The following NAA16 variants were observed in gnomAD, a reference collection of about 807,000 sequenced individuals.
The protein encoded by NAA16 is N-alpha-acetyltransferase 16, NatA auxiliary subunit.
Under a neutral mutation model 110.3 loss-of-function variants are expected in NAA16, and 97 were observed. That is an observed-to-expected ratio of 0.88 (90% CI 0.75 to 1.04). The LOEUF (loss-of-function observed/expected upper bound fraction) is 1.04, where lower values mean the gene tolerates loss of function less well. Among genes scored for constraint, NAA16 ranks in the 50% least tolerant of loss-of-function variants. The probability of loss-of-function intolerance (pLI) is 0.00; values close to 1 mark genes in which losing one functional copy is unlikely to be tolerated. For synonymous variants in NAA16, 372 were observed against 330.6 expected (o/e 1.13, Z -1.36); for missense variants, 1,017 against 1,005.1 (o/e 1.01, Z -0.16).
At chr13:41,334,854 A>G (rs2042335332) in intron 8 of NAA16, among the ~76,000 whole-genome samples, 1 of 152,204 alleles carries the variant, frequency 6.6e-6, no homozygotes, top group African/African-American at 2.4e-5. Context: ...TCTTCTACAA[A>G]TACATTGTGC....
In NAA16 at chr13:41,373,795, C is replaced by A; in HGVS notation, c.2299+15C>A. 6.3e-7 allele frequency: 1 copy of A among 1,575,254 alleles called. No homozygotes were observed. The highest frequency in any genetic ancestry group is 1.4e-5 in the African/African-American group (1 of 72,462). ...TCTACTTTCAGGTTTGTTTGTAGCC[C>A]CCAGGGTTAAAATACTTATGGAAAA... On this transcript the variant is annotated intron_variant, in intron 18 of 19. Coordinates refer to ENST00000379406, the MANE Select transcript of NAA16 (RefSeq NM_024561.5).
rs368036227 is a variant in NAA16 at position 41,366,376 on chromosome 13, C to T, written c.1540-1063C>T. Reference sequence around the variant, plus strand: ...CGGAGTGACTTAACTATCCCCAGGACAGAGGGAACATGAACTAGTAGGAAA... The same window carrying T: ...CGGAGTGACTTAACTATCCCCAGGATAGAGGGAACATGAACTAGTAGGAAA... On this transcript the variant is annotated intron_variant, in intron 13 of 19. Transcript: ENST00000379406. Among the ~76,000 whole-genome samples, 7 of 152,024 alleles carry T rather than the reference C, an allele frequency of 4.6e-5. No individual in the cohort carries two copies. In the South Asian group the frequency reaches 1.0e-3, roughly 23 times the overall value.
chr13:41,328,955 C>A, intron 7 of NAA16, 112 bp downstream of exon 7: 2 of 911,550 alleles, frequency 2.2e-6, no homozygotes, highest in Non-Finnish European at 3.3e-6. Context: ...ACTCATTTTT[C>A]CATTTAGTAA....
intron 9 of NAA16, among the ~76,000 whole-genome samples, chr13:41,353,552 C>T (rs1228180844): frequency 1.3e-5 from 2 of 150,488 alleles, no homozygotes; most frequent in Admixed American, 6.6e-5. Flanking sequence ...ATTGCTTGAG[C>T]CCAGGAGTTC....
rs903505858 is a variant in NAA16, at chr13:41,355,317, A to C, written c.1087+101A>C. ...ATTATGTGTGTGCTACCTAATGGCT[A>C]CTTAATAAATGGCTTTCAAATTGGT... On this transcript the variant is annotated intron_variant, in intron 10 of 19. Coordinates refer to ENST00000379406, the MANE Select transcript of NAA16 (RefSeq NM_024561.5). 16 of 653,308 alleles carry C rather than the reference A, an allele frequency of 2.4e-5. No individual in the cohort carries two copies. The African/African-American group carries it at 3.0e-4, about 12-fold the overall frequency. The allele number at this position is 653,308 out of a possible 1,614,324, so 40.5% of individuals were successfully genotyped here.
intron 5 of NAA16, among the ~76,000 whole-genome samples, chr13:41,325,226 G>A (rs2042060085): frequency 6.6e-6 from 1 of 151,576 alleles, no homozygotes; most frequent in South Asian, 2.1e-4. Flanking sequence ...AAGACCTGGG[G>A]TTACAGATGT....
intron 7 of NAA16, among the ~76,000 whole-genome samples, chr13:41,330,180 T>C (rs1371116918): frequency 6.6e-6 from 1 of 151,786 alleles, no homozygotes; most frequent in East Asian, 1.9e-4. Context: ...AGAGCGAGGT[T>C]TTTTTTTGTT....
intron 9 of NAA16, among the ~76,000 whole-genome samples, chr13:41,339,700 A>C (rs2042484341): frequency 6.6e-6 from 1 of 152,124 alleles, no homozygotes; most frequent in Non-Finnish European, 1.5e-5. Flanking sequence ...TTGGGAATAC[A>C]GGTGCCTGTC....
intron 9 of NAA16, among the ~76,000 whole-genome samples, chr13:41,351,925 ACTAC>A (rs2042846455): frequency 6.6e-6 from 1 of 152,240 alleles, no homozygotes; most frequent in African/African-American, 2.4e-5. Context: ...CATATTACAC[ACTAC>A]CTAATTAAAT....
chr13:41,358,110 C>A (rs1397272828), intron 10 of NAA16, among the ~76,000 whole-genome samples, 194 bp from the exon 11 acceptor site: 1 of 152,144 alleles, frequency 6.6e-6, no homozygotes, highest in Non-Finnish European at 1.5e-5. Context: ...AAAGTACAAT[C>A]TTATTTCTCT....
chr13:41,359,044 A>G, intron 12 of NAA16, 82 bp downstream of exon 12: 2 of 1,228,382 alleles, frequency 1.6e-6, no homozygotes, highest in Admixed American at 4.7e-5. Context: ...CAGTTTGTGA[A>G]GAACTTCAGT....
chr13:41,359,809 A>G (rs977156002), intron 12 of NAA16, among the ~76,000 whole-genome samples: 1 of 152,204 alleles, frequency 6.6e-6, no homozygotes, highest in African/African-American at 2.4e-5. Context: ...CTGTACACGA[A>G]TCAGTTCCAA....
At chr13:41,364,665 G>A (rs1209636842) in intron 13 of NAA16, among the ~76,000 whole-genome samples, 1 of 150,906 alleles carries the variant, frequency 6.6e-6, no homozygotes, top group Non-Finnish European at 1.5e-5. Flanking sequence ...ACAGGGCAAC[G>A]ATACATATAT....
intron 7 of NAA16, among the ~76,000 whole-genome samples, chr13:41,329,998 C>T (rs534576144): frequency 4.8e-5 from 7 of 145,114 alleles, no homozygotes; most frequent in South Asian, 4.5e-4. Flanking sequence ...AGGATTTATA[C>T]GGCTTGTTAT....
In NAA16 at chr13:41,376,346, C is replaced by CT. The variant is rs2043426617; in HGVS notation, c.*750dup. On this transcript the variant is annotated 3_prime_UTR_variant, in exon 20 of 20. Coordinates refer to ENST00000379406, the MANE Select transcript of NAA16 (RefSeq NM_024561.5). ...AGTTTATTTGAAAATTTAATTCGTC[C>CT]TTTTTTCATTGTAATATTTCATGGT... The CT allele has an allele frequency of 6.6e-6, 1 of 152,094 alleles. No individual in the cohort carries two copies. The highest frequency in any genetic ancestry group is 2.4e-5 in the African/African-American group (1 of 41,408). 9.4% of individuals were successfully genotyped at this position (152,094 alleles called of 1,614,324 possible).
intron 6 of NAA16, among the ~76,000 whole-genome samples, chr13:41,327,094 TTAG>T (rs149567829): frequency 1.3e-3 from 205 of 152,274 alleles, no homozygotes; most frequent in Middle Eastern, 3.4e-3. Context: ...CTTTTTTCAC[TTAG>T]TAGTGTATGT....
At chr13:41,366,446 A>AT (rs1378431819) in intron 13 of NAA16, among the ~76,000 whole-genome samples, 1 of 152,212 alleles carries the variant, frequency 6.6e-6, no homozygotes, top group African/African-American at 2.4e-5. Flanking sequence ...TTTCTATATG[A>AT]TTTTAGAAAA....
intron 7 of NAA16, among the ~76,000 whole-genome samples, chr13:41,329,881 A>G (rs907915093): frequency 1.3e-5 from 2 of 152,044 alleles, no homozygotes; most frequent in Non-Finnish European, 2.9e-5. Context: ...ATTCTTGGTT[A>G]CTATAAAATG....
chr13:41,337,784 T>G (rs912199328), intron 9 of NAA16, among the ~76,000 whole-genome samples: 2 of 152,180 alleles, frequency 1.3e-5, no homozygotes, highest in African/African-American at 4.8e-5. Flanking sequence ...TTATTTAGCT[T>G]TGATTCATAA....
Sources: allele counts gnomAD v4.1 joint callset (sites outside exome capture counted in the v4.1 genomes callset), GRCh38; gene constraint gnomAD v4.1.1; transcripts MANE v1.5; gene names NCBI Gene and HGNC (gene_info 2026-07-23, HGNC 2026-07-21).